Variants in NPAS3 observed in about 807,000 individuals in gnomAD.
The protein encoded by NPAS3 is neuronal PAS domain-containing protein 3.
In NPAS3, 14 loss-of-function variants were observed where a neutral mutation model predicts 73.1. The ratio of observed to expected loss-of-function variants is 0.19; its 90% confidence interval spans 0.13 to 0.30. The LOEUF is 0.30. NPAS3 is among the 10% of genes least tolerant of loss of function. NPAS3 has a pLI of 1.00. For synonymous variants in NPAS3, 620 were observed against 541.5 expected, an observed-to-expected ratio of 1.14 and a Z score of -2.01; for missense variants, 1,096 against 1,250.0, an observed-to-expected ratio of 0.88 and a Z score of 1.86.
At chr14:33,121,823 C>T (rs1006721625) in intron 2 of NPAS3, among the ~76,000 whole-genome samples, 4 of 152,100 alleles carry the variant, frequency 2.6e-5, no homozygotes, top group African/African-American at 7.2e-5. Flanking sequence ...TGAGAAAACT[C>T]AGGTGAATTA....
chr14:32,942,478 G>C (rs1052075718), intron 1 of NPAS3, among the ~76,000 whole-genome samples: 1 of 152,204 alleles, frequency 6.6e-6, no homozygotes, highest in Non-Finnish European at 1.5e-5. Flanking sequence ...GAGCCTGAAA[G>C]AACAAGTTGA....
intron 4 of NPAS3, among the ~76,000 whole-genome samples, chr14:33,472,998 C>CG (rs751257616): frequency 2.6e-4 from 38 of 143,472 alleles, no homozygotes; most frequent in South Asian, 6.3e-4. Flanking sequence ...AAATTTCCTG[C>CG]GGGGGGAACT....
chr14:33,407,127 T>C (rs1402470033), intron 4 of NPAS3, among the ~76,000 whole-genome samples: 2 of 152,172 alleles, frequency 1.3e-5, no homozygotes, highest in African/African-American at 4.8e-5. Context: ...TCACTGAAGC[T>C]CTTCAGTAGG....
rs574860214 is a variant in NPAS3, at chr14:33,579,577, G to T, written c.558+19367G>T. Among the ~76,000 whole-genome samples, 8 of 152,216 alleles carry T rather than the reference G, an allele frequency of 5.3e-5. No individual in the cohort carries two copies. In the South Asian group the frequency reaches 1.2e-3, roughly 24 times the overall value. ...TCAATGTACTCCCCATTTCATAGACGTGCTATTAGTAACGATAGAATTGTC... is the reference window on the plus strand; with the variant it reads ...TCAATGTACTCCCCATTTCATAGACTTGCTATTAGTAACGATAGAATTGTC... On this transcript the variant is annotated intron_variant, in intron 5 of 11. Coordinates refer to ENST00000356141, the Ensembl canonical transcript of NPAS3.
intron 4 of NPAS3, among the ~76,000 whole-genome samples, chr14:33,482,842 C>A (rs1411495800): frequency 6.6e-6 from 1 of 152,174 alleles, no homozygotes; most frequent in African/African-American, 2.4e-5. Context: ...TCTCTCTTCA[C>A]TTTTTCTCTT....
chr14:32,996,198 G>C (rs1353730510), intron 1 of NPAS3, among the ~76,000 whole-genome samples: 1 of 152,130 alleles, frequency 6.6e-6, no homozygotes, highest in Non-Finnish European at 1.5e-5. Context: ...AGATGATTTA[G>C]GGTATCTAGC....
intron 4 of NPAS3, among the ~76,000 whole-genome samples, chr14:33,416,266 C>T (rs1453162235): frequency 1.3e-5 from 2 of 151,780 alleles, no homozygotes; most frequent in Non-Finnish European, 2.9e-5. Context: ...TATTGAAGAA[C>T]AACAAGAACT....
rs115429382 is a variant in NPAS3, at chr14:33,171,080, T to A, written c.141-44102T>A. 3.5e-3 allele frequency among the ~76,000 whole-genome samples: 533 copies of A among 152,342 alleles called. 5 individuals carry two copies. The highest frequency in any genetic ancestry group is 0.012 in the African/African-American group (516 of 41,582). ...AGACTTGAAAGTCAAAATGACTCCT[T>A]GACCTGCAGAATGGATGCTGTGTTA... On this transcript the variant is annotated intron_variant, in intron 2 of 11. Coordinates refer to ENST00000356141, the Ensembl canonical transcript of NPAS3.
At chr14:33,314,637 A>T (rs775258121) in intron 3 of NPAS3, among the ~76,000 whole-genome samples, 3 of 152,102 alleles carry the variant, frequency 2.0e-5, no homozygotes, top group Non-Finnish European at 2.9e-5. Context: ...ATCGATCCAT[A>T]TAATGAATGG....
At chr14:33,802,219 AC>A (rs1287385281), downstream of NPAS3, 5 of 152,078 alleles carry the variant, frequency 3.3e-5, no homozygotes, top group African/African-American at 1.2e-4. Context: ...CTTGCTTAAA[AC>A]AAAAAGGAAG....
upstream of NPAS3, chr14:32,939,142 ACGGCCACGGCCACGGCCCCGGCCC>A (rs757628723): frequency 0.062 from 8,018 of 129,816 alleles, 320 homozygotes; most frequent in Middle Eastern, 0.1. Flanking sequence ...CGCCGCCGCC[ACGGCCACGGCCACGGCCCCGGCCC>A]CGGCCACCGC....
At chr14:33,218,405 A>G (rs1322410777) in intron 3 of NPAS3, among the ~76,000 whole-genome samples, 1 of 152,178 alleles carries the variant, frequency 6.6e-6, no homozygotes, top group East Asian at 1.9e-4. Flanking sequence ...GCTTTACTCT[A>G]GTTCTTTAAT....
chr14:33,801,201 C>T (rs565314182), downstream of NPAS3: 5 of 1,505,528 alleles, frequency 3.3e-6, no homozygotes, highest in South Asian at 2.5e-5. Flanking sequence ...ACTTTGAATT[C>T]GAGCAGGTCA....
At chr14:33,626,526 T>C (rs1275620489) in intron 5 of NPAS3, among the ~76,000 whole-genome samples, 1 of 152,196 alleles carries the variant, frequency 6.6e-6, no homozygotes, top group Non-Finnish European at 1.5e-5. Context: ...ACGTAGACTA[T>C]TGGGCCATCA....
intron 1 of NPAS3, among the ~76,000 whole-genome samples, chr14:33,035,295 C>G (rs1011823439): frequency 1.3e-5 from 2 of 152,096 alleles, no homozygotes; most frequent in African/African-American, 4.8e-5. Flanking sequence ...GTTATTATTA[C>G]CTAGAAGCAG....
intron 2 of NPAS3, among the ~76,000 whole-genome samples, chr14:33,204,497 G>C (rs1037505968): frequency 3.3e-5 from 5 of 152,100 alleles, no homozygotes; most frequent in African/African-American, 9.7e-5. Context: ...GGATCTGAGA[G>C]CGTGGTTCAG....
At chr14:33,322,393 G>C (rs1362311114) in intron 3 of NPAS3, among the ~76,000 whole-genome samples, 1 of 152,018 alleles carries the variant, frequency 6.6e-6, no homozygotes, top group African/African-American at 2.4e-5. Context: ...TTATAAGACT[G>C]GTATTCAGAT....
At chr14:32,967,830 C>T (rs534701957) in intron 1 of NPAS3, among the ~76,000 whole-genome samples, 6 of 151,848 alleles carry the variant, frequency 4.0e-5, no homozygotes, top group Non-Finnish European at 8.8e-5. Context: ...AATTCTAGTT[C>T]TGGATATATA....
chr14:33,051,749 C>CAA (rs1307734474), intron 1 of NPAS3, among the ~76,000 whole-genome samples: 2 of 152,072 alleles, frequency 1.3e-5, no homozygotes, highest in African/African-American at 4.8e-5. Context: ...TTTAGGGGTA[C>CAA]AAATAAAGAA....
Sources: gnomAD v4.1 joint callset for allele counts (sites outside exome capture counted in the v4.1 genomes callset) on GRCh38, gnomAD v4.1.1 for gene constraint, MANE v1.5 for transcripts, NCBI Gene and HGNC (gene_info 2026-07-23, HGNC 2026-07-21) for gene names.